The following FAM91A1 variants were observed in gnomAD, a reference collection of about 807,000 sequenced individuals.
The protein encoded by FAM91A1 is family with sequence similarity 91 member A1, also known as protein FAM91A1.
Under a neutral mutation model 113.5 loss-of-function variants are expected in FAM91A1, and 41 were observed. The observed-to-expected ratio is 0.36, with a 90% CI of 0.28 to 0.47. The LOEUF (loss-of-function observed/expected upper bound fraction) is 0.47. Ranked by LOEUF, FAM91A1 falls within the 20% of genes least tolerant of loss-of-function variation. FAM91A1 has a pLI of 1.00. For missense variants in FAM91A1, 696 were observed against 1,001.2 expected (o/e 0.70, Z 4.11); for synonymous variants, 307 against 347.9 (o/e 0.88, Z 1.31).
intron 8 of FAM91A1, among the ~76,000 whole-genome samples, chr8:123,780,915 A>C (rs1306407760): frequency 1.3e-5 from 2 of 152,022 alleles, no homozygotes; most frequent in Non-Finnish European, 2.9e-5. Context: ...TTATTTTTTC[A>C]TGTTACTGTA....
intron 8 of FAM91A1, among the ~76,000 whole-genome samples, chr8:123,783,036 C>T (rs1013565712): frequency 2.6e-5 from 4 of 152,016 alleles, no homozygotes; most frequent in South Asian, 2.1e-4. Flanking sequence ...ATTAGTCATG[C>T]GTGTTGGCAT....
chr8:123,801,707 C>T (rs1228037146), intron 18 of FAM91A1, among the ~76,000 whole-genome samples: 1 of 151,992 alleles, frequency 6.6e-6, no homozygotes, highest in Non-Finnish European at 1.5e-5. Flanking sequence ...AGGGGAGGTT[C>T]CTTAGAGAAA....
Position 123,810,278 on chromosome 8 carries a change from TCAG to T in FAM91A1, c.2262-2_2262del. 2 of 1,594,254 alleles carry T rather than the reference TCAG, an allele frequency of 1.3e-6. No individual in the cohort carries two copies. Among genetic ancestry groups the T allele is most frequent in the Admixed American group, 1.8e-5 (1 of 54,378 alleles). ...AAACTGTTTCTCGCCTTTTTTTTTT[TCAG>T]CCTTCAAAACCTCTTACATTCCAGT... is the stretch of plus-strand genomic sequence containing the variant. On this transcript the variant is annotated splice_acceptor_variant and splice_polypyrimidine_tract_variant and intron_variant, in intron 22 of 23. Coordinates refer to ENST00000334705, the MANE Select transcript of FAM91A1 (RefSeq NM_144963.4). LOFTEE classifies it high-confidence loss of function.
At chr8:123,807,553 C>T (rs1345217764) in intron 20 of FAM91A1, among the ~76,000 whole-genome samples, 1 of 149,728 alleles carries the variant, frequency 6.7e-6, no homozygotes, top group Non-Finnish European at 1.5e-5. Flanking sequence ...AGAGAGGAGA[C>T]GAGTGAGTCA....
chr8:123,775,868 G>A (rs1420795738), intron 3 of FAM91A1, among the ~76,000 whole-genome samples: 1 of 152,144 alleles, frequency 6.6e-6, no homozygotes, highest in African/African-American at 2.4e-5. Flanking sequence ...AGGAGGCTGA[G>A]GGGGGAGAAT....
At chr8:123,782,458 A>G (rs182456546) in intron 8 of FAM91A1, among the ~76,000 whole-genome samples, 27 of 152,354 alleles carry the variant, frequency 1.8e-4, no homozygotes, top group African/African-American at 6.3e-4. Flanking sequence ...TATAAATATA[A>G]ATGGAGATCA....
chr8:123,778,064 A>G lies in FAM91A1; in HGVS notation c.407A>G (p.Asp136Gly), dbSNP rs1355240594. ...GGCATAGGAAGAAACCAGTATATTG[A>G]TCTTATGAATCAGTGTAGATCATCA... ...LLGIGRNQYI[D>G]LMNQCRSSKK... The change falls in exon 5 of 24, where the codon GAT becomes GGT. Residue 136 changes from aspartate to glycine, a missense_variant. Coordinates refer to ENST00000334705, the MANE Select transcript of FAM91A1 (RefSeq NM_144963.4). 2.5e-6 allele frequency: 4 copies of G among 1,612,680 alleles called. No homozygotes were observed. The highest frequency in any genetic ancestry group is 1.7e-4 in the Middle Eastern group (1 of 6,044).
At chr8:123,794,056 G>A (rs1012530186) in intron 15 of FAM91A1, among the ~76,000 whole-genome samples, 3 of 152,170 alleles carry the variant, frequency 2.0e-5, no homozygotes, top group African/African-American at 7.2e-5. Context: ...ACTTGGCTAT[G>A]ATTCTCTTTG....
intron 1 of FAM91A1, among the ~76,000 whole-genome samples, chr8:123,772,329 A>C (rs1418666145): frequency 6.6e-6 from 1 of 152,214 alleles, no homozygotes; most frequent in African/African-American, 2.4e-5. Flanking sequence ...TTGAGTATGC[A>C]TGTGTGTGTA....
At chr8:123,777,885 C>A in intron 4 of FAM91A1, 140 bp from the exon 5 acceptor site, 1 of 643,758 alleles carries the variant, frequency 1.6e-6, no homozygotes. Flanking sequence ...TGGTTGAAGA[C>A]GTCCTTTTAA....
chr8:123,800,163 G>T (rs1456567472), intron 18 of FAM91A1, among the ~76,000 whole-genome samples: 1 of 151,864 alleles, frequency 6.6e-6, no homozygotes, highest in Admixed American at 6.6e-5. Flanking sequence ...TAGCTTTACA[G>T]TAGTTTCCCC....
At chr8:123,778,630 C>G (rs760083017) in intron 5 of FAM91A1, 29 bp from the exon 6 acceptor site, 2 of 1,543,322 alleles carry the variant, frequency 1.3e-6, no homozygotes, top group Non-Finnish European at 1.8e-6. Context: ...TTTTAGATTG[C>G]AAATTCTCAA....
In FAM91A1 at chr8:123,780,068, A is replaced by G. The variant is rs1815082600; in HGVS notation, c.633A>G (p.Val211=). The G allele has an allele frequency of 7.4e-6, 12 of 1,611,948 alleles. No homozygotes were observed. Among genetic ancestry groups the G allele is most frequent in the Non-Finnish European group, 9.3e-6 (11 of 1,178,968 alleles). Residue 211 remains valine, a synonymous_variant, in exon 7 of 24, where the codon GTA becomes GTG. Coordinates refer to ENST00000334705, the MANE Select transcript of FAM91A1 (RefSeq NM_144963.4). ...PQLSGSLDYN[V]VHSLYNKGFI... is the part of the protein sequence containing the mutation. Reference sequence around the variant, plus strand: ...TCTCTGGATCACTAGATTACAATGTAGTACATAGTAAGTGGTTAGTAGAAA... The same window carrying G: ...TCTCTGGATCACTAGATTACAATGTGGTACATAGTAAGTGGTTAGTAGAAA...
rs374229189 is a variant in FAM91A1, at chr8:123,789,713, C to T, written c.1379C>T (p.Ala460Val). The T allele has an allele frequency of 6.8e-6, 11 of 1,613,114 alleles. No homozygotes were observed. Among genetic ancestry groups the T allele is most frequent in the Admixed American group, 1.7e-5 (1 of 59,962 alleles). The part of the protein sequence containing the change: ...LFLRHNKDLV[A>V]QTAQPDQPNY... ...CTGCGTCATAACAAAGATCTAGTTG[C>T]GCAAACTGCACAGCCAGACCAACCC... The change falls in exon 15 of 24, where the codon GCG becomes GTG. Residue 460 changes from alanine to valine, a missense_variant. Coordinates refer to ENST00000334705, the MANE Select transcript of FAM91A1 (RefSeq NM_144963.4).
chr8:123,779,170 A>G (rs1436436695), intron 6 of FAM91A1, among the ~76,000 whole-genome samples: 1 of 152,188 alleles, frequency 6.6e-6, no homozygotes, highest in Non-Finnish European at 1.5e-5. Flanking sequence ...AGAGGTATGT[A>G]TTATTTGTAC....
chr8:123,770,011 G>A (rs1435495678), intron 1 of FAM91A1, among the ~76,000 whole-genome samples: 1 of 151,944 alleles, frequency 6.6e-6, no homozygotes, highest in Non-Finnish European at 1.5e-5. Flanking sequence ...GGAGTGCAGT[G>A]GTGTGATCTC....
chr8:123,777,181 T>C (rs1815006078), intron 3 of FAM91A1, 84 bp from the exon 4 acceptor site: 3 of 925,308 alleles, frequency 3.2e-6, no homozygotes, highest in South Asian at 1.6e-5. Context: ...ATCATTGTTA[T>C]TGGCTGTAAT....
chr8:123,810,178 A>G, intron 22 of FAM91A1, 104 bp from the exon 23 acceptor site: 2 of 1,037,262 alleles, frequency 1.9e-6, no homozygotes, highest in Non-Finnish European at 2.8e-6. Context: ...GTGATTGGCC[A>G]GGATATATAG....
At chr8:123,797,076 A>G (rs1451065654) in intron 15 of FAM91A1, among the ~76,000 whole-genome samples, 1 of 152,092 alleles carries the variant, frequency 6.6e-6, no homozygotes, top group African/African-American at 2.4e-5. Context: ...ATAAATAAAT[A>G]AAAAAAGATA....
Sources: allele counts gnomAD v4.1 joint callset (sites outside exome capture counted in the v4.1 genomes callset), GRCh38; gene constraint gnomAD v4.1.1; transcripts MANE v1.5; gene names NCBI Gene and HGNC (gene_info 2026-07-23, HGNC 2026-07-21).